The following ABCB1 variants were observed in gnomAD, a reference collection of about 807,000 sequenced individuals.
The protein encoded by ABCB1 is ATP-dependent translocase ABCB1.
ABCB1 carries 69 observed loss-of-function variants against 142.0 expected under a neutral mutation model. The observed-to-expected ratio is 0.49, with a 90% CI of 0.40 to 0.59. ABCB1 has a LOEUF of 0.59. Among genes scored for constraint, ABCB1 ranks in the 20% least tolerant of loss-of-function variants. The pLI is 0.00. For synonymous variants in ABCB1, 532 were observed against 539.2 expected (o/e 0.99, Z 0.18); for missense variants, 1,326 against 1,554.7 (o/e 0.85, Z 2.47).
chr7:87,701,940 G>A (rs1421784845), intron 1 of ABCB1, among the ~76,000 whole-genome samples: 4 of 151,788 alleles, frequency 2.6e-5, no homozygotes, highest in Admixed American at 1.3e-4. Context: ...TCAGGAGATC[G>A]AGACCATCCT....
intron 19 of ABCB1, among the ~76,000 whole-genome samples, chr7:87,538,695 C>T (rs1419592816): frequency 6.6e-6 from 1 of 152,122 alleles, no homozygotes; most frequent in African/African-American, 2.4e-5. Context: ...CCCATTTCCC[C>T]AGGAAAACAT....
chr7:87,531,059 A>G (rs1009560111), intron 21 of ABCB1, among the ~76,000 whole-genome samples: 5 of 152,172 alleles, frequency 3.3e-5, no homozygotes, highest in African/African-American at 1.2e-4. Flanking sequence ...TGTGAAGACA[A>G]TGGCCTGAAA....
At chr7:87,699,743 G>A (rs563372198) in intron 1 of ABCB1, among the ~76,000 whole-genome samples, 19 of 152,090 alleles carry the variant, frequency 1.2e-4, no homozygotes, top group Non-Finnish European at 2.4e-4. Flanking sequence ...ATGCACAATA[G>A]AACATTTGGT....
intron 1 of ABCB1, among the ~76,000 whole-genome samples, chr7:87,636,100 G>A (rs1584959699): frequency 6.6e-6 from 1 of 152,226 alleles, no homozygotes; most frequent in African/African-American, 2.4e-5. Flanking sequence ...ATATTAGCTT[G>A]GAGTGGAATT....
At chr7:87,662,729 T>C (rs143290724) in intron 1 of ABCB1, among the ~76,000 whole-genome samples, 2,206 of 152,242 alleles carry the variant, frequency 0.014, 28 homozygotes, top group Non-Finnish European at 0.022. Context: ...TAGCTTTGTC[T>C]ATTCTGGGTC....
chr7:87,654,883 C>T (rs1468924773), intron 1 of ABCB1, among the ~76,000 whole-genome samples: 1 of 151,984 alleles, frequency 6.6e-6, no homozygotes, highest in Non-Finnish European at 1.5e-5. Context: ...AGGCAAAGAA[C>T]CTGAATAGAC....
Position 87,600,263 on chromosome 7 carries a change from TC to T in ABCB1, c.-6-74del, listed in dbSNP as rs3214119. ...CGCTGGAGGTGAGACTAACCTCTAG[TC>T]CCCCGTCGAAGCCAGAGAGCAGTAA... On this transcript the variant is annotated intron_variant, in intron 1 of 27. Coordinates refer to ENST00000622132, the MANE Select transcript of ABCB1 (RefSeq NM_001348946.2). The T allele has an allele frequency of 0.032, 40,512 of 1,265,294 alleles. 971 individuals are homozygous for T. Among genetic ancestry groups the T allele is most frequent in the East Asian group, 0.094 (3,855 of 40,882 alleles). The allele number at this position is 1,265,294 out of a possible 1,614,324, so 78.4% of individuals were successfully genotyped here.
At position 87,520,171 on chromosome 7, in the gene ABCB1, T is replaced by C. The variant is rs150497932; in HGVS notation, c.2786+605A>G. ...ACTCTGCTTTTACCTTCATCACATATGAAGATTTCAAATAATTTTTTTTTA... is the reference window on the plus strand; with the variant it reads ...ACTCTGCTTTTACCTTCATCACATACGAAGATTTCAAATAATTTTTTTTTA... On this transcript the variant is annotated intron_variant, in intron 22 of 27. Coordinates refer to ENST00000622132, the MANE Select transcript of ABCB1 (RefSeq NM_001348946.2). Among the ~76,000 whole-genome samples, 582 of 152,300 alleles carry C rather than the reference T, an allele frequency of 3.8e-3. 5 individuals carry two copies. The highest frequency in any genetic ancestry group is 0.013 in the African/African-American group (548 of 41,564).
At chr7:87,584,696 A>T (rs1818658846) in intron 4 of ABCB1, among the ~76,000 whole-genome samples, 1 of 152,130 alleles carries the variant, frequency 6.6e-6, no homozygotes, top group Non-Finnish European at 1.5e-5. Context: ...TCACTGAGAA[A>T]ACTAAAGTTA....
intron 1 of ABCB1, among the ~76,000 whole-genome samples, chr7:87,703,885 C>CTTTTTTTTTT: frequency 9.8e-4 from 59 of 60,270 alleles, no homozygotes; most frequent in South Asian, 1.3e-3. Context: ...TCAGTTTTTT[C>CTTTTTTTTTT]TTTTTTTTTT....
At chr7:87,688,655 C>T (rs1827713663) in intron 1 of ABCB1, among the ~76,000 whole-genome samples, 2 of 151,726 alleles carry the variant, frequency 1.3e-5, no homozygotes, top group South Asian at 4.2e-4. Flanking sequence ...ACTTATTTTT[C>T]ATTTGAGACT....
chr7:87,693,373 T>C (rs982049758), intron 1 of ABCB1, among the ~76,000 whole-genome samples: 7 of 152,134 alleles, frequency 4.6e-5, no homozygotes, highest in African/African-American at 1.7e-4. Flanking sequence ...TTAACAATTC[T>C]TAGGCAAAAA....
At chr7:87,608,149 C>G (rs1183979974) in intron 1 of ABCB1, among the ~76,000 whole-genome samples, 2 of 152,126 alleles carry the variant, frequency 1.3e-5, no homozygotes, top group African/African-American at 2.4e-5. Flanking sequence ...AACAAGATAA[C>G]CCAACATTGC....
Position 87,550,765 on chromosome 7 carries a change from G to C in ABCB1, c.1073C>G (p.Ala358Gly), listed in dbSNP as rs1421770056. The change falls in exon 10 of 28, where the codon GCA becomes GGA. Residue 358 changes from alanine to glycine, a missense_variant. By Grantham distance (60) the Ala-to-Gly change is moderately conservative. Coordinates refer to ENST00000622132, the MANE Select transcript of ABCB1 (RefSeq NM_001348946.2). ...GAAGATTTCATAAGCTGCTCCTCTT[G>C]CATTTGCAAATGCTTCAATGCTTGG... ...ASPSIEAFANARGAAYEIFKI... is the reference protein window; with the variant it reads ...ASPSIEAFANGRGAAYEIFKI... 1 of 1,613,808 alleles carries C rather than the reference G, an allele frequency of 6.2e-7. No individual in the cohort carries two copies. The highest frequency in any genetic ancestry group is 8.5e-7 in the Non-Finnish European group (1 of 1,179,752).
At chr7:87,609,698 A>C (rs957412933) in intron 1 of ABCB1, among the ~76,000 whole-genome samples, 2 of 152,158 alleles carry the variant, frequency 1.3e-5, no homozygotes. Context: ...GACCAGCTAG[A>C]CCAGCTTGTT....
intron 1 of ABCB1, among the ~76,000 whole-genome samples, chr7:87,678,124 T>C (rs1307886530): frequency 2.6e-5 from 4 of 152,170 alleles, no homozygotes; most frequent in Non-Finnish European, 5.9e-5. Context: ...ACAGAAACTG[T>C]GAATATCTAA....
intron 7 of ABCB1, among the ~76,000 whole-genome samples, chr7:87,564,660 G>A (rs1175937824): frequency 6.6e-6 from 1 of 152,168 alleles, no homozygotes; most frequent in Non-Finnish European, 1.5e-5. Flanking sequence ...TTTTTGATAT[G>A]ATTGACATCC....
At chr7:87,550,385 C>G in intron 11 of ABCB1, 83 bp downstream of exon 11, 6 of 1,605,440 alleles carry the variant, frequency 3.7e-6, no homozygotes, top group Non-Finnish European at 5.1e-6. Context: ...AATATACATG[C>G]ACTTTTTTAT....
At chr7:87,519,012 C>A in intron 23 of ABCB1, 2 of 394,986 alleles carry the variant, frequency 5.1e-6, no homozygotes, top group Non-Finnish European at 9.2e-6. Context: ...CAGTCAGACT[C>A]CTTGCTCAGG....
Sources: gnomAD v4.1 joint callset for allele counts (sites outside exome capture counted in the v4.1 genomes callset) on GRCh38, gnomAD v4.1.1 for gene constraint, MANE v1.5 for transcripts, NCBI Gene and HGNC (gene_info 2026-07-23, HGNC 2026-07-21) for gene names.